SETBP1: variants seen among roughly 807,000 people sequenced by gnomAD.
SETBP1 encodes the protein SET binding protein 1.
In SETBP1, 9 loss-of-function variants were observed where a neutral mutation model predicts 101.0. The observed-to-expected ratio is 0.09, with a 90% CI of 0.05 to 0.16. The LOEUF (loss-of-function observed/expected upper bound fraction) is 0.16, where lower values mean the gene tolerates loss of function less well. Among genes scored for constraint, SETBP1 ranks in the 10% least tolerant of loss-of-function variants. The probability of loss-of-function intolerance (pLI) is 1.00; values close to 1 mark genes in which losing one functional copy is unlikely to be tolerated. For synonymous variants in SETBP1, 818 were observed against 788.5 expected, an observed-to-expected ratio of 1.04 and a Z score of -0.63; for missense variants, 1,858 against 2,033.8, an observed-to-expected ratio of 0.91 and a Z score of 1.66.
chr18:44,756,491 T>C (rs1165340897), intron 2 of SETBP1, among the ~76,000 whole-genome samples: 2 of 152,192 alleles, frequency 1.3e-5, no homozygotes, highest in African/African-American at 4.8e-5. Context: ...AGCCCAGGGC[T>C]GGACGCAAAG....
intron 2 of SETBP1, among the ~76,000 whole-genome samples, chr18:44,849,201 A>T (rs990862229): frequency 2.6e-5 from 4 of 152,210 alleles, no homozygotes; most frequent in Admixed American, 2.6e-4. Context: ...TTAGTAAAAT[A>T]TCTCGGGACC....
intron 2 of SETBP1, among the ~76,000 whole-genome samples, chr18:44,819,626 A>C (rs1298044973): frequency 6.6e-6 from 1 of 151,732 alleles, no homozygotes; most frequent in Non-Finnish European, 1.5e-5. Flanking sequence ...GAGGAAGGAA[A>C]CTCCCATCCA....
rs143702938 is a variant in SETBP1, at chr18:45,063,886, G to C, written c.*188G>C. 1 of 590,300 alleles carries C rather than the reference G, an allele frequency of 1.7e-6. No individual in the cohort carries two copies. The highest frequency in any genetic ancestry group is 1.9e-5 in the African/African-American group (1 of 52,570). 36.6% of individuals were successfully genotyped at this position (590,300 alleles called of 1,614,324 possible). On this transcript the variant is annotated 3_prime_UTR_variant, in exon 6 of 6. Transcript: ENST00000649279. ...AGCTCTTGGGAAAGCAAAGCAGGGA[G>C]ACACCTTCAGAAGAAGCTTGTCTGA...
At chr18:44,928,927 T>C (rs544674594) in intron 3 of SETBP1, among the ~76,000 whole-genome samples, 1 of 152,332 alleles carries the variant, frequency 6.6e-6, no homozygotes, top group African/African-American at 2.4e-5. Flanking sequence ...AGAAGCTCTT[T>C]AGTTTAATTA....
At chr18:44,872,875 A>G (rs144415445) in intron 3 of SETBP1, among the ~76,000 whole-genome samples, 158 of 152,360 alleles carry the variant, frequency 1.0e-3, no homozygotes, top group African/African-American at 3.8e-3. Context: ...TCCACCACAG[A>G]GGAAAGCACA....
At chr18:44,920,552 G>T (rs1434589148) in intron 3 of SETBP1, among the ~76,000 whole-genome samples, 3 of 152,214 alleles carry the variant, frequency 2.0e-5, no homozygotes, top group African/African-American at 7.2e-5. Context: ...CAAGTGAGGG[G>T]TGCAGGAAGA....
At position 44,952,151 on chromosome 18, in the gene SETBP1, G is replaced by A. The variant is rs2071371728; in HGVS notation, c.2811G>A (p.Lys937=). The A allele has an allele frequency of 6.2e-7, 1 of 1,614,096 alleles. No homozygotes were observed. Among genetic ancestry groups the A allele is most frequent in the Non-Finnish European group, 8.5e-7 (1 of 1,180,038 alleles). The change falls in exon 4 of 6, where the codon AAG becomes AAA. Residue 937 remains lysine, a synonymous_variant. Transcript: ENST00000649279. The stretch of plus-strand genomic sequence containing the variant: ...CCCACGAAAGCCTCAAGAAGCCAAA[G>A]CACAAGAGGAAACGGAAAAGCCTGC... The part of the protein sequence containing the change: ...FLAHESLKKP[K]HKRKRKSLQN...
At chr18:44,886,645 A>G (rs1473846374) in intron 3 of SETBP1, among the ~76,000 whole-genome samples, 2 of 151,970 alleles carry the variant, frequency 1.3e-5, no homozygotes, top group Non-Finnish European at 2.9e-5. Flanking sequence ...GATACATCCA[A>G]TTCCTCTTAA....
At chr18:44,946,471 A>C (rs1383585912) in intron 3 of SETBP1, among the ~76,000 whole-genome samples, 1 of 152,202 alleles carries the variant, frequency 6.6e-6, no homozygotes, top group African/African-American at 2.4e-5. Flanking sequence ...AACAATTAGG[A>C]GATGGGGAGA....
chr18:44,831,529 A>G (rs930972959), intron 2 of SETBP1, among the ~76,000 whole-genome samples: 4 of 152,248 alleles, frequency 2.6e-5, no homozygotes, highest in Non-Finnish European at 4.4e-5. Context: ...AAGACTAACA[A>G]TGAAAATACT....
At chr18:44,714,091 A>G (rs932148668) in intron 2 of SETBP1, among the ~76,000 whole-genome samples, 2 of 152,168 alleles carry the variant, frequency 1.3e-5, no homozygotes, top group Non-Finnish European at 2.9e-5. Context: ...GGTGAAGTCT[A>G]TTATTCTCAA....
intron 2 of SETBP1, among the ~76,000 whole-genome samples, chr18:44,812,863 G>T (rs1405991392): frequency 1.3e-5 from 2 of 152,162 alleles, no homozygotes; most frequent in African/African-American, 4.8e-5. Context: ...CAGCAGGCCT[G>T]GGATTTCTCT....
intron 2 of SETBP1, among the ~76,000 whole-genome samples, chr18:44,719,487 G>A (rs989772744): frequency 8.5e-5 from 13 of 152,144 alleles, no homozygotes; most frequent in Admixed American, 7.9e-4. Context: ...TACCCTGGAG[G>A]AGCCTGGTCT....
chr18:44,704,481 G>C (rs181425080), intron 2 of SETBP1, among the ~76,000 whole-genome samples: 1 of 152,290 alleles, frequency 6.6e-6, no homozygotes, highest in African/African-American at 2.4e-5. Flanking sequence ...GCTTCATATG[G>C]TACTTCTCCA....
chr18:45,023,111 A>T (rs1034583962), intron 4 of SETBP1, among the ~76,000 whole-genome samples: 12 of 152,194 alleles, frequency 7.9e-5, no homozygotes, highest in Non-Finnish European at 1.8e-4. Context: ...TTTCATAAAA[A>T]TTATCATACT....
At chr18:44,850,554 A>G (rs1889369371) in intron 2 of SETBP1, among the ~76,000 whole-genome samples, 1 of 151,988 alleles carries the variant, frequency 6.6e-6, no homozygotes, top group Non-Finnish European at 1.5e-5. Flanking sequence ...TATTTTTAGT[A>G]GAGGCAGGGT....
chr18:44,954,164 T>G (rs1000711055), intron 4 of SETBP1, among the ~76,000 whole-genome samples: 1 of 151,874 alleles, frequency 6.6e-6, no homozygotes, highest in African/African-American at 2.4e-5. Context: ...CTTGCCAACC[T>G]CCCCAACCAC....
intron 3 of SETBP1, among the ~76,000 whole-genome samples, chr18:44,879,180 C>A (rs187497564): frequency 6.6e-5 from 10 of 152,268 alleles, no homozygotes; most frequent in Non-Finnish European, 1.3e-4. Context: ...TGTTTAGCAA[C>A]AAAACATAAA....
intron 3 of SETBP1, among the ~76,000 whole-genome samples, chr18:44,883,064 A>G (rs2069566967): frequency 6.6e-6 from 1 of 152,204 alleles, no homozygotes; most frequent in African/African-American, 2.4e-5. Context: ...ACCCAACATC[A>G]GTAACTTCAC....
Sources: gnomAD v4.1 joint callset for allele counts (sites outside exome capture counted in the v4.1 genomes callset) on GRCh38, gnomAD v4.1.1 for gene constraint, MANE v1.5 for transcripts, NCBI Gene and HGNC (gene_info 2026-07-23, HGNC 2026-07-21) for gene names.